DYM: variants seen among roughly 807,000 people sequenced by gnomAD.
The protein encoded by DYM is dyggve-Melchior-Clausen syndrome protein.
DYM carries 78 observed loss-of-function variants against 93.1 expected under a neutral mutation model. That is an observed-to-expected ratio of 0.84 (90% CI 0.70 to 1.01). DYM has a LOEUF of 1.01. Among genes scored for constraint, DYM ranks in the 50% least tolerant of loss-of-function variants. DYM has a pLI of 0.00. For synonymous variants in DYM, 321 were observed against 319.7 expected (o/e 1.00, Z -0.04); for missense variants, 789 against 845.0 (o/e 0.93, Z 0.82).
intron 10 of DYM, among the ~76,000 whole-genome samples, chr18:49,275,532 G>A (rs1018172537): frequency 6.6e-6 from 1 of 152,076 alleles, no homozygotes; most frequent in Non-Finnish European, 1.5e-5. Context: ...TAGGTATTGT[G>A]CTCAATGTGT....
At chr18:49,447,994 GT>G (rs2082239699) in intron 1 of DYM, among the ~76,000 whole-genome samples, 3 of 152,118 alleles carry the variant, frequency 2.0e-5, no homozygotes, top group Admixed American at 2.0e-4. Context: ...AGTATGTGGT[GT>G]TTCAAGGTCA....
chr18:49,307,397 C>G (rs374874411), intron 8 of DYM, among the ~76,000 whole-genome samples: 3 of 152,200 alleles, frequency 2.0e-5, no homozygotes, highest in South Asian at 4.2e-4. Flanking sequence ...TTCAAGTCAG[C>G]AGGAAAAAGA....
chr18:49,230,388 A>T lies in DYM; in HGVS notation c.1461-20673T>A, dbSNP rs201365096. Among the ~76,000 whole-genome samples the T allele has an allele frequency of 3.9e-4, 59 of 152,248 alleles. No individual in the cohort carries two copies. In the East Asian group the frequency reaches 6.6e-3, roughly 17 times the overall value. On this transcript the variant is annotated intron_variant, in intron 13 of 17. Transcript: ENST00000675505. Reference sequence around the variant, plus strand: ...AAACCTTTGATATCAAGCCCCTTATAATCTCTCTACACTTTTCACATGTCT... The same window carrying T: ...AAACCTTTGATATCAAGCCCCTTATTATCTCTCTACACTTTTCACATGTCT...
At chr18:49,211,557 G>A (rs570883835) in intron 13 of DYM, among the ~76,000 whole-genome samples, 1 of 152,152 alleles carries the variant, frequency 6.6e-6, no homozygotes, top group African/African-American at 2.4e-5. Context: ...TAAGTTAGAA[G>A]ATTTGAAATG....
At chr18:49,312,096 T>C (rs2061630982) in intron 8 of DYM, among the ~76,000 whole-genome samples, 1 of 152,196 alleles carries the variant, frequency 6.6e-6, no homozygotes, top group African/African-American at 2.4e-5. Flanking sequence ...CTATTGCTTA[T>C]GTTGATGCAC....
chr18:49,300,197 ACAAT>A (rs968285187), intron 8 of DYM, among the ~76,000 whole-genome samples: 4 of 150,982 alleles, frequency 2.6e-5, no homozygotes, highest in African/African-American at 9.7e-5. Flanking sequence ...TTTATCAGAA[ACAAT>A]CAACAATAAT....
chr18:49,252,216 C>CAGAAAAAA lies in DYM; in HGVS notation c.1460+4793_1460+4794insTTTTTTCT, dbSNP rs2094304203. ...CTGGCCAACAGAGTGAGACTTGCCTCAAAAAAAAAAAAAAAAAAAAAAAAA... is the reference window on the plus strand; with the variant it reads ...CTGGCCAACAGAGTGAGACTTGCCTCAGAAAAAAAAAAAAAAAAAAAAAAAAAAAAAAA... On this transcript the variant is annotated intron_variant, in intron 13 of 17. Transcript: ENST00000675505. Among the ~76,000 whole-genome samples, 4 of 27,230 alleles carry CAGAAAAAA rather than the reference C, an allele frequency of 1.5e-4. 1 individual carries two copies. The highest frequency in any genetic ancestry group is 8.7e-4 in the African/African-American group (4 of 4,608). The allele number at this position is 27,230 out of a possible 152,430, so 17.9% of individuals were successfully genotyped here.
At chr18:49,313,002 G>A (rs1325623651) in intron 8 of DYM, among the ~76,000 whole-genome samples, 1 of 152,150 alleles carries the variant, frequency 6.6e-6, no homozygotes, top group Non-Finnish European at 1.5e-5. Flanking sequence ...ATTAATCCTT[G>A]AAGCTATCAG....
intron 14 of DYM, among the ~76,000 whole-genome samples, chr18:49,190,558 A>C (rs948398875): frequency 1.3e-5 from 2 of 152,218 alleles, no homozygotes; most frequent in African/African-American, 4.8e-5. Context: ...CTATTGGCAT[A>C]TAGTATGTGC....
At chr18:49,195,916 CTTTTTTTT>C (rs540189318) in intron 14 of DYM, among the ~76,000 whole-genome samples, 14 of 84,032 alleles carry the variant, frequency 1.7e-4, no homozygotes, top group African/African-American at 6.2e-4. Context: ...ATGCTACCAT[CTTTTTTTT>C]TTTTTTTTTT....
chr18:49,308,689 A>G (rs746687285), intron 8 of DYM, among the ~76,000 whole-genome samples: 81 of 152,156 alleles, frequency 5.3e-4, no homozygotes, highest in Non-Finnish European at 6.9e-4. Flanking sequence ...GCTTCAGGTT[A>G]GGGTCTGACA....
chr18:49,279,620 T>C (rs1568159919), intron 10 of DYM, among the ~76,000 whole-genome samples: 1 of 152,234 alleles, frequency 6.6e-6, no homozygotes, highest in African/African-American at 2.4e-5. Context: ...CACCATCTTA[T>C]ATACCTGCAT....
At chr18:49,316,412 C>T (rs1398896027) in intron 8 of DYM, among the ~76,000 whole-genome samples, 1 of 152,086 alleles carries the variant, frequency 6.6e-6, no homozygotes, top group African/African-American at 2.4e-5. Context: ...CATCAAAATG[C>T]CCCAGAACTA....
intron 1 of DYM, among the ~76,000 whole-genome samples, chr18:49,457,961 G>A (rs2083144392): frequency 1.3e-5 from 2 of 152,342 alleles, no homozygotes; most frequent in African/African-American, 4.8e-5. Flanking sequence ...GAAGCTGGAA[G>A]AGGCATAGAT....
intron 8 of DYM, among the ~76,000 whole-genome samples, chr18:49,313,245 C>T (rs1267846282): frequency 2.6e-5 from 4 of 151,958 alleles, no homozygotes; most frequent in Admixed American, 6.6e-5. Flanking sequence ...GCAGGCGGAT[C>T]ACGAGATCAG....
intron 1 of DYM, among the ~76,000 whole-genome samples, chr18:49,454,429 T>C (rs1413936074): frequency 1.3e-5 from 2 of 152,246 alleles, no homozygotes; most frequent in East Asian, 3.9e-4. Context: ...TCTTCCCTTC[T>C]CTGCCAGCCA....
chr18:49,290,229 G>T (rs908733396), intron 8 of DYM, among the ~76,000 whole-genome samples: 4 of 151,664 alleles, frequency 2.6e-5, no homozygotes, highest in Admixed American at 6.6e-5. Context: ...CTATACCATG[G>T]AATACAATAT....
chr18:49,416,972 A>G (rs573655889), intron 2 of DYM, among the ~76,000 whole-genome samples: 94 of 152,300 alleles, frequency 6.2e-4, no homozygotes, highest in African/African-American at 2.2e-3. Context: ...TTATCAATTT[A>G]CCCTGAAGCA....
At chr18:49,062,589 C>T (rs545181427) in intron 17 of DYM, among the ~76,000 whole-genome samples, 10 of 152,354 alleles carry the variant, frequency 6.6e-5, no homozygotes, top group South Asian at 2.1e-4. Context: ...TTTGCACCAA[C>T]GGCACAGTGC....
Sources: allele counts gnomAD v4.1 joint callset (sites outside exome capture counted in the v4.1 genomes callset), GRCh38; gene constraint gnomAD v4.1.1; transcripts MANE v1.5; gene names NCBI Gene and HGNC (gene_info 2026-07-23, HGNC 2026-07-21).